NRXN3: variants seen among roughly 807,000 people sequenced by gnomAD.
The protein encoded by NRXN3 is neurexin 3.
In NRXN3, 32 loss-of-function variants were observed where a neutral mutation model predicts 137.6. That is an observed-to-expected ratio of 0.23 (90% CI 0.18 to 0.31). The LOEUF (loss-of-function observed/expected upper bound fraction) is 0.31, where lower values mean the gene tolerates loss of function less well. Among genes scored for constraint, NRXN3 ranks in the 10% least tolerant of loss-of-function variants. NRXN3 has a pLI of 1.00. For synonymous variants in NRXN3, 798 were observed against 784.5 expected, an observed-to-expected ratio of 1.02 and a Z score of -0.29; for missense variants, 1,574 against 2,062.5, an observed-to-expected ratio of 0.76 and a Z score of 4.59.
chr14:78,211,814 A>G (rs747262006), intron 1 of NRXN3, among the ~76,000 whole-genome samples: 2 of 152,198 alleles, frequency 1.3e-5, no homozygotes, highest in African/African-American at 2.4e-5. Context: ...GAAAGTGGAA[A>G]AGGGGGGCTA....
chr14:78,882,258 C>T (rs547233931), intron 10 of NRXN3, among the ~76,000 whole-genome samples: 37 of 151,842 alleles, frequency 2.4e-4, no homozygotes, highest in Admixed American at 1.2e-3. Context: ...AGCCCCCACA[C>T]GGAGTCCCTA....
At chr14:79,030,142 A>G (rs2099605224) in intron 15 of NRXN3, among the ~76,000 whole-genome samples, 1 of 148,876 alleles carries the variant, frequency 6.7e-6, no homozygotes, top group Admixed American at 6.8e-5. Context: ...TCAGCCTCCC[A>G]AAGAATAGAA....
intron 15 of NRXN3, among the ~76,000 whole-genome samples, chr14:79,371,295 G>T (rs1370635314): frequency 6.6e-6 from 1 of 152,122 alleles, no homozygotes; most frequent in Non-Finnish European, 1.5e-5. Context: ...TAGAATAAAA[G>T]CTCACAGAGA....
intron 8 of NRXN3, among the ~76,000 whole-genome samples, chr14:78,776,643 G>A (rs2098745791): frequency 6.6e-6 from 1 of 152,148 alleles, no homozygotes; most frequent in Admixed American, 6.5e-5. Flanking sequence ...ATGTTGGTCA[G>A]CAGAGGTGGT....
intron 4 of NRXN3, among the ~76,000 whole-genome samples, chr14:78,360,784 C>T (rs887893): frequency 0.98 from 149,336 of 152,340 alleles, 73,240 homozygotes; most frequent in Non-Finnish European, 1. Flanking sequence ...AGAAGATCAG[C>T]AGAGGAACTC....
At chr14:78,278,060 G>A (rs954800798) in intron 2 of NRXN3, among the ~76,000 whole-genome samples, 5 of 152,144 alleles carry the variant, frequency 3.3e-5, no homozygotes, top group African/African-American at 1.2e-4. Flanking sequence ...GTGGTCACTG[G>A]GTGTACTGGG....
intron 11 of NRXN3, among the ~76,000 whole-genome samples, chr14:78,964,790 AT>A (rs200720605): frequency 4.7e-5 from 7 of 150,376 alleles, no homozygotes; most frequent in South Asian, 4.2e-4. Flanking sequence ...GTCTCTTTGT[AT>A]TTTTTTTTCA....
intron 10 of NRXN3, among the ~76,000 whole-genome samples, chr14:78,830,530 G>A (rs1171248967): frequency 6.6e-6 from 1 of 152,004 alleles, no homozygotes; most frequent in East Asian, 1.9e-4. Context: ...CCTCGTCTTA[G>A]CACAAGATAT....
chr14:78,564,772 T>G (rs574258466), intron 4 of NRXN3, among the ~76,000 whole-genome samples: 131 of 152,306 alleles, frequency 8.6e-4, no homozygotes, highest in African/African-American at 3.0e-3. Context: ...ATCCCAAACC[T>G]TGTGCAGGCC....
intron 19 of NRXN3, among the ~76,000 whole-genome samples, chr14:79,803,861 T>A (rs1362944593): frequency 2.0e-5 from 3 of 150,636 alleles, no homozygotes; most frequent in African/African-American, 7.3e-5. Flanking sequence ...GTTGTGAGAA[T>A]CACGTCTAAT....
chr14:78,563,331 A>G (rs763447587), intron 4 of NRXN3, among the ~76,000 whole-genome samples: 12 of 152,236 alleles, frequency 7.9e-5, no homozygotes, highest in Non-Finnish European at 1.5e-4. Context: ...TTGGGGGGCT[A>G]TCTTTGGAGA....
intron 19 of NRXN3, among the ~76,000 whole-genome samples, chr14:79,715,879 G>GAAAT (rs2098822046): frequency 6.6e-6 from 1 of 152,218 alleles, no homozygotes; most frequent in East Asian, 1.9e-4. Flanking sequence ...CCCGCCAAAG[G>GAAAT]AAATAGCCTA....
At position 78,927,999 on chromosome 14, in the gene NRXN3, T is replaced by C. The variant is rs959059186; in HGVS notation, c.2276-29243T>C. Among the ~76,000 whole-genome samples, 2 of 152,166 alleles carry C rather than the reference T, an allele frequency of 1.3e-5. 1 individual carries two copies. The highest frequency in any genetic ancestry group is 4.1e-4 in the South Asian group (2 of 4,830). ...ATGAGGGCTAGAATTTGTAGATAAA[T>C]ACAACAGCTTCCTTGTCCCTTGGAG... On this transcript the variant is annotated intron_variant, in intron 10 of 20. Transcript: ENST00000335750.
intron 4 of NRXN3, among the ~76,000 whole-genome samples, chr14:78,341,943 G>C (rs549559737): frequency 1.3e-5 from 2 of 152,290 alleles, no homozygotes; most frequent in African/African-American, 4.8e-5. Context: ...TTTGCCTAGA[G>C]TAGGCCAGCT....
chr14:79,558,086 G>A (rs1456752144), intron 16 of NRXN3, among the ~76,000 whole-genome samples: 1 of 152,112 alleles, frequency 6.6e-6, no homozygotes, highest in Admixed American at 6.6e-5. Flanking sequence ...TGAGATTGCA[G>A]CAATTCCATC....
At chr14:78,385,210 G>A (rs952287149) in intron 4 of NRXN3, among the ~76,000 whole-genome samples, 2 of 151,908 alleles carry the variant, frequency 1.3e-5, no homozygotes, top group Non-Finnish European at 2.9e-5. Flanking sequence ...AAATGCTAAT[G>A]AGGGATACTT....
chr14:78,331,139 G>A (rs2080772825), intron 4 of NRXN3, among the ~76,000 whole-genome samples: 1 of 152,150 alleles, frequency 6.6e-6, no homozygotes, highest in Non-Finnish European at 1.5e-5. Flanking sequence ...AGCCCAGTTT[G>A]AGAAAGGTCA....
chr14:78,419,254 T>A (rs1341603059), intron 4 of NRXN3, among the ~76,000 whole-genome samples: 1 of 152,192 alleles, frequency 6.6e-6, no homozygotes, highest in Non-Finnish European at 1.5e-5. Flanking sequence ...TTTATTTTAT[T>A]TTTTGATAGG....
At position 79,721,957 on chromosome 14, in the gene NRXN3, T is replaced by C. The variant is rs1461171786; in HGVS notation, c.4014+24020T>C. On this transcript the variant is annotated intron_variant, in intron 19 of 20. Transcript: ENST00000335750. ...ACATTAAAAGAACTCCATAGAGAGC[T>C]AAGTCATGTTTAGTTCAGCGAGAAG... Among the ~76,000 whole-genome samples the C allele has an allele frequency of 2.0e-5, 3 of 152,086 alleles. No homozygotes were observed. In the East Asian group the frequency reaches 5.8e-4, roughly 29 times the overall value.
Sources: gnomAD v4.1 joint callset for allele counts (sites outside exome capture counted in the v4.1 genomes callset) on GRCh38, gnomAD v4.1.1 for gene constraint, MANE v1.5 for transcripts, NCBI Gene and HGNC (gene_info 2026-07-23, HGNC 2026-07-21) for gene names.